Variants in KLHDC10 observed in about 807,000 individuals in gnomAD.
KLHDC10 encodes the protein kelch domain containing 10.
Under a neutral mutation model 56.1 loss-of-function variants are expected in KLHDC10, and 24 were observed. That is an observed-to-expected ratio of 0.43 (90% CI 0.31 to 0.60). The LOEUF (loss-of-function observed/expected upper bound fraction) is 0.60, where lower values mean the gene tolerates loss of function less well. Ranked by LOEUF, KLHDC10 falls within the 20% of genes least tolerant of loss-of-function variation. The pLI is 0.11. For missense variants in KLHDC10, 349 were observed against 567.0 expected, an observed-to-expected ratio of 0.62 and a Z score of 3.91; for synonymous variants, 188 against 207.1, an observed-to-expected ratio of 0.91 and a Z score of 0.79.
At chr7:130,082,854 T>C (rs1276077745) in intron 1 of KLHDC10, among the ~76,000 whole-genome samples, 2 of 152,214 alleles carry the variant, frequency 1.3e-5, no homozygotes, top group Non-Finnish European at 2.9e-5. Flanking sequence ...CTGTCTCCTA[T>C]GCTAGACCCT....
intron 1 of KLHDC10, among the ~76,000 whole-genome samples, chr7:130,090,099 T>C (rs934684364): frequency 6.6e-6 from 1 of 152,128 alleles, no homozygotes; most frequent in African/African-American, 2.4e-5. Context: ...GAGGCTGGTC[T>C]CGAACTCCTG....
chr7:130,074,576 C>G (rs1584615185), intron 1 of KLHDC10, among the ~76,000 whole-genome samples: 1 of 151,774 alleles, frequency 6.6e-6, no homozygotes. Flanking sequence ...AATCCTCTAG[C>G]CACATTGACT....
chr7:130,099,436 T>G (rs1204959048), intron 2 of KLHDC10, among the ~76,000 whole-genome samples: 1 of 152,188 alleles, frequency 6.6e-6, no homozygotes. Flanking sequence ...AGTGTTCTGA[T>G]GAGGTAGCAT....
At chr7:130,082,617 G>T (rs918988788) in intron 1 of KLHDC10, among the ~76,000 whole-genome samples, 2 of 152,118 alleles carry the variant, frequency 1.3e-5, no homozygotes, top group Non-Finnish European at 2.9e-5. Flanking sequence ...TTTTTTCCTA[G>T]CTGGTGGCCT....
intron 1 of KLHDC10, among the ~76,000 whole-genome samples, chr7:130,071,702 A>G (rs1457769785): frequency 6.6e-6 from 1 of 152,230 alleles, no homozygotes; most frequent in African/African-American, 2.4e-5. Flanking sequence ...GCTTATTTTT[A>G]CTATGAAAAG....
At chr7:130,115,261 C>T (rs1382599725) in intron 2 of KLHDC10, among the ~76,000 whole-genome samples, 2 of 152,180 alleles carry the variant, frequency 1.3e-5, no homozygotes, top group Middle Eastern at 3.2e-3. Context: ...ACTATAGTAG[C>T]TTCTTATTCC....
intron 1 of KLHDC10, among the ~76,000 whole-genome samples, chr7:130,079,109 G>A (rs1795561070): frequency 6.6e-6 from 1 of 151,742 alleles, no homozygotes; most frequent in African/African-American, 2.4e-5. Flanking sequence ...CTAGGCTGGA[G>A]TACAGTGGCT....
At position 130,120,823 on chromosome 7, in the gene KLHDC10, G is replaced by A. The variant is rs756513720; in HGVS notation, c.550G>A (p.Val184Ile). The part of the protein sequence containing the change: ...IPFGESNGND[V>I]HVCNVKYKRW... ...ATTTGGAGAGAGCAACGGCAATGAC[G>A]TCCATGTGTGTAATGTGAAGTATAA... is the stretch of plus-strand genomic sequence containing the variant. Residue 184 changes from valine to isoleucine, a missense_variant, in exon 4 of 10, where the codon GTC becomes ATC. Coordinates refer to ENST00000335420, the MANE Select transcript of KLHDC10 (RefSeq NM_014997.4). The surrounding 1 kb of genome is among the most constrained non-coding windows in gnomAD (Gnocchi z 5.1). 9.3e-6 allele frequency: 15 copies of A among 1,613,982 alleles called. No individual in the cohort carries two copies. Among genetic ancestry groups the A allele is most frequent in the Admixed American group, 5.0e-5 (3 of 59,996 alleles).
At chr7:130,078,988 G>A (rs563936627) in intron 1 of KLHDC10, among the ~76,000 whole-genome samples, 42 of 152,018 alleles carry the variant, frequency 2.8e-4, no homozygotes, top group African/African-American at 9.6e-4. Context: ...AGATTGAAGC[G>A]TACATATTTT....
intron 9 of KLHDC10, among the ~76,000 whole-genome samples, chr7:130,129,912 G>T (rs566719968): frequency 2.6e-5 from 4 of 152,144 alleles, no homozygotes; most frequent in East Asian, 1.9e-4. Flanking sequence ...GAAGGCAAAG[G>T]CCTTTATTTT....
chr7:130,119,207 C>CA (rs34509008), intron 3 of KLHDC10, among the ~76,000 whole-genome samples: 35,158 of 122,852 alleles, frequency 0.29, 4,502 homozygotes, highest in Non-Finnish European at 0.33. Flanking sequence ...GACTCCAACT[C>CA]AAAAAAAAAA....
At position 130,132,456 on chromosome 7, in the gene KLHDC10, G is replaced by A. The variant is rs1796414445; in HGVS notation, c.*1710G>A. ...CTCCAGACATGCTCCTGATTTCTAG[G>A]CCTTATCATACCATCCCCTCTGTGA... On this transcript the variant is annotated 3_prime_UTR_variant, in exon 10 of 10. Coordinates refer to ENST00000335420, the MANE Select transcript of KLHDC10 (RefSeq NM_014997.4). 1 of 152,114 alleles carries A rather than the reference G, an allele frequency of 6.6e-6. No homozygotes were observed. Among genetic ancestry groups the A allele is most frequent in the Non-Finnish European group, 1.5e-5 (1 of 68,024 alleles). The allele number at this position is 152,114 out of a possible 1,614,324, so 9.4% of individuals were successfully genotyped here. A position where few individuals can be genotyped will look rare whatever the true frequency, so the allele number is the denominator to read the frequency against.
chr7:130,101,602 C>T (rs1270718171), intron 2 of KLHDC10, among the ~76,000 whole-genome samples: 1 of 152,084 alleles, frequency 6.6e-6, no homozygotes, highest in Non-Finnish European at 1.5e-5. Flanking sequence ...AGGATAAAGC[C>T]ATGAGAACAT....
rs555264482 is a variant in KLHDC10 at position 130,080,831 on chromosome 7, T to C, written c.166+10022T>C. Among the ~76,000 whole-genome samples the C allele has an allele frequency of 3.3e-5, 5 of 152,342 alleles. No individual in the cohort carries two copies. The East Asian group carries it at 7.7e-4, about 23-fold the overall frequency. On this transcript the variant is annotated intron_variant, in intron 1 of 9. Transcript: ENST00000335420. ...AATTATTTGTGCGAATTGACCAAGGTATTCTTTTATGATTACACAATTATT... is the reference window on the plus strand; with the variant it reads ...AATTATTTGTGCGAATTGACCAAGGCATTCTTTTATGATTACACAATTATT...
chr7:130,121,360 C>T (rs765286043), intron 4 of KLHDC10, among the ~76,000 whole-genome samples: 5 of 152,156 alleles, frequency 3.3e-5, no homozygotes, highest in African/African-American at 7.2e-5. Flanking sequence ...TAGGTTCCAG[C>T]GCTTCAAACC....
In KLHDC10 at chr7:130,131,926, A is replaced by T. The variant is rs1311157233; in HGVS notation, c.*1180A>T. On this transcript the variant is annotated 3_prime_UTR_variant, in exon 10 of 10. Transcript: ENST00000335420. ...GTGAATAATTGTCTAGTAATTGGAT[A>T]CAAGGTCTTGGGGGTAAAGCCACAG... The T allele has an allele frequency of 6.6e-6, 1 of 152,148 alleles. No individual in the cohort carries two copies. Among genetic ancestry groups the T allele is most frequent in the East Asian group, 1.9e-4 (1 of 5,180 alleles). The allele number at this position is 152,148 out of a possible 1,614,324, so 9.4% of individuals were successfully genotyped here. A position where few individuals can be genotyped will look rare whatever the true frequency, so the allele number is the denominator to read the frequency against.
intron 1 of KLHDC10, among the ~76,000 whole-genome samples, chr7:130,080,678 T>A (rs1324959925): frequency 6.6e-6 from 1 of 152,132 alleles, no homozygotes; most frequent in African/African-American, 2.4e-5. Context: ...ATTATAGGTG[T>A]GAGCTACCGT....
intron 1 of KLHDC10, among the ~76,000 whole-genome samples, chr7:130,072,005 A>AT (rs1386978145): frequency 1.3e-5 from 2 of 152,186 alleles, no homozygotes; most frequent in Non-Finnish European, 2.9e-5. Flanking sequence ...AAATCGAGGC[A>AT]TTTGTAAGTA....
intron 3 of KLHDC10, among the ~76,000 whole-genome samples, chr7:130,117,102 C>T (rs757938885): frequency 1.3e-5 from 2 of 152,178 alleles, no homozygotes; most frequent in Admixed American, 6.5e-5. Flanking sequence ...GTTATGTTTA[C>T]GCTATGCACT....
Sources: gnomAD v4.1 joint callset for allele counts (sites outside exome capture counted in the v4.1 genomes callset) on GRCh38, gnomAD v4.1.1 for gene constraint, Gnocchi (gnomAD v3.1) non-coding constraint, MANE v1.5 for transcripts, NCBI Gene and HGNC (gene_info 2026-07-23, HGNC 2026-07-21) for gene names.